ADAMTSL1: variants seen among roughly 807,000 people sequenced by gnomAD.
The protein encoded by ADAMTSL1 is ADAMTS like 1.
ADAMTSL1 carries 126 observed loss-of-function variants against 201.8 expected under a neutral mutation model. That is an observed-to-expected ratio of 0.62 (90% CI 0.54 to 0.72). The LOEUF (loss-of-function observed/expected upper bound fraction) is 0.72. ADAMTSL1 is among the 30% of genes least tolerant of loss of function. ADAMTSL1 has a pLI of 0.00. For synonymous variants in ADAMTSL1, 1,121 were observed against 903.4 expected (o/e 1.24, Z -4.32); for missense variants, 2,679 against 2,277.8 (o/e 1.18, Z -3.59).
rs1393716108 is a variant in ADAMTSL1 at position 18,684,779 on chromosome 9, C to G, written c.1553C>G (p.Ala518Gly). ...FKQAQELEEG[A>G]AVSEEPSFIP... ...CAAGCTCAAGAGCTAGAAGAAGGAG[C>G]TGCTGTGTCAGAGGAGCCCTCGTAA... The change falls in exon 13 of 29, where the codon GCT becomes GGT. Residue 518 changes from alanine (A) to glycine (G), a missense_variant. Physicochemically the swap from Ala to Gly is moderately conservative, Grantham distance 60. Transcript: ENST00000380548. 1 of 1,612,504 alleles carries G rather than the reference C, an allele frequency of 6.2e-7. No homozygotes were observed.
chr9:18,646,731 G>A (rs1827836989), intron 7 of ADAMTSL1, among the ~76,000 whole-genome samples: 2 of 152,138 alleles, frequency 1.3e-5, no homozygotes, highest in African/African-American at 2.4e-5. Flanking sequence ...TGCATCCCAA[G>A]GATGAAGCCC....
In ADAMTSL1 at chr9:18,509,177, C is replaced by A. The variant is rs1290341031; in HGVS notation, c.191+4221C>A. Among the ~76,000 whole-genome samples the A allele has an allele frequency of 9.9e-5, 6 of 60,778 alleles. 1 individual carries two copies. Among genetic ancestry groups the A allele is most frequent in the African/African-American group, 1.7e-4 (2 of 11,650 alleles). 39.9% of individuals were successfully genotyped at this position (60,778 alleles called of 152,430 possible). On this transcript the variant is annotated intron_variant, in intron 2 of 28. Transcript: ENST00000380548. ...CCGCAGTCCGGCCTGGGCGACAGAG[C>A]GAGACTCCGTCTCAAAAAAAAAAAA...
At chr9:18,472,850 G>A (rs548939655), upstream of ADAMTSL1, among the ~76,000 whole-genome samples, 2 of 152,266 alleles carry the variant, frequency 1.3e-5, no homozygotes, top group African/African-American at 2.4e-5. Flanking sequence ...GTAAGGCCAG[G>A]GCTGCTCTTT....
chr9:17,947,731 A>G (rs545851277), intron 1 of ADAMTSL1, among the ~76,000 whole-genome samples: 1 of 152,154 alleles, frequency 6.6e-6, no homozygotes, highest in Non-Finnish European at 1.5e-5. Context: ...ACTGTTTGCA[A>G]ATCTGTGCTA....
chr9:18,653,804 G>GTT (rs1408908778), intron 7 of ADAMTSL1, among the ~76,000 whole-genome samples: 3 of 152,180 alleles, frequency 2.0e-5, no homozygotes, highest in Non-Finnish European at 4.4e-5. Flanking sequence ...ATTTCCAACT[G>GTT]TTAAAATTAT....
chr9:18,083,590 A>G (rs987425259), intron 1 of ADAMTSL1, among the ~76,000 whole-genome samples: 1 of 152,230 alleles, frequency 6.6e-6, no homozygotes, highest in South Asian at 2.1e-4. Context: ...ATCTCAGGGC[A>G]CTTAAGAGTT....
At chr9:18,352,430 G>C (rs1391005358) in intron 2 of ADAMTSL1, among the ~76,000 whole-genome samples, 1 of 152,202 alleles carries the variant, frequency 6.6e-6, no homozygotes, top group Non-Finnish European at 1.5e-5. Context: ...CATGTGCCAA[G>C]TCAAATAATT....
chr9:18,734,908 A>G (rs2133504831), intron 15 of ADAMTSL1, among the ~76,000 whole-genome samples: 1 of 152,172 alleles, frequency 6.6e-6, no homozygotes, highest in East Asian at 1.9e-4. Context: ...GCTTGATTCC[A>G]CTGTGTAAGA....
At chr9:18,897,307 G>C (rs1255991954) in intron 26 of ADAMTSL1, among the ~76,000 whole-genome samples, 1 of 152,178 alleles carries the variant, frequency 6.6e-6, no homozygotes, top group African/African-American at 2.4e-5. Context: ...GGAGAGTCCA[G>C]GCAGTCTGGA....
At chr9:18,779,228 T>C (rs1821241730) in intron 19 of ADAMTSL1, among the ~76,000 whole-genome samples, 1 of 152,160 alleles carries the variant, frequency 6.6e-6, no homozygotes, top group East Asian at 1.9e-4. Context: ...CAAGGAAGAG[T>C]TCTGTCTACT....
At chr9:18,804,259 T>C (rs1459600678) in intron 20 of ADAMTSL1, among the ~76,000 whole-genome samples, 2 of 152,198 alleles carry the variant, frequency 1.3e-5, no homozygotes, top group Non-Finnish European at 2.9e-5. Context: ...GGCAAAGAAG[T>C]AGTACAGCTT....
At chr9:18,719,440 C>T (rs1373024197) in intron 14 of ADAMTSL1, among the ~76,000 whole-genome samples, 2 of 152,138 alleles carry the variant, frequency 1.3e-5, no homozygotes, top group African/African-American at 4.8e-5. Context: ...CTTCATCTCC[C>T]TGCAACCTTC....
chr9:18,171,147 G>A (rs1827870349), intron 2 of ADAMTSL1, among the ~76,000 whole-genome samples: 1 of 151,966 alleles, frequency 6.6e-6, no homozygotes, highest in Non-Finnish European at 1.5e-5. Context: ...AAAACAGTGT[G>A]ATATTAGAAC....
intron 1 of ADAMTSL1, among the ~76,000 whole-genome samples, chr9:18,485,397 C>G (rs144236378): frequency 6.6e-6 from 1 of 152,194 alleles, no homozygotes; most frequent in East Asian, 1.9e-4. Context: ...CATGGATTGG[C>G]CTGCTGTCTG....
At chr9:17,989,305 G>A (rs1166090664) in intron 1 of ADAMTSL1, among the ~76,000 whole-genome samples, 1 of 148,658 alleles carries the variant, frequency 6.7e-6, no homozygotes, top group East Asian at 1.9e-4. Flanking sequence ...GTAATGTTTT[G>A]TAACTTTATT....
At chr9:18,568,848 C>G (rs976892003) in intron 3 of ADAMTSL1, among the ~76,000 whole-genome samples, 2 of 151,300 alleles carry the variant, frequency 1.3e-5, no homozygotes, top group Admixed American at 1.3e-4. Flanking sequence ...GGATGGCACT[C>G]ATATAATAGG....
At chr9:18,812,447 T>C (rs1054000294) in intron 20 of ADAMTSL1, among the ~76,000 whole-genome samples, 1 of 152,110 alleles carries the variant, frequency 6.6e-6, no homozygotes, top group Non-Finnish European at 1.5e-5. Flanking sequence ...TCAAAATATA[T>C]CACAGACTTA....
intron 1 of ADAMTSL1, among the ~76,000 whole-genome samples, chr9:18,031,128 C>T (rs1202249038): frequency 4.6e-5 from 7 of 152,020 alleles, no homozygotes; most frequent in East Asian, 1.9e-4. Flanking sequence ...GCTTCTTTGC[C>T]GTCCAGATTT....
At chr9:18,715,445 GACAA>G (rs1478578609) in intron 14 of ADAMTSL1, among the ~76,000 whole-genome samples, 2 of 151,770 alleles carry the variant, frequency 1.3e-5, no homozygotes, top group Non-Finnish European at 2.9e-5. Context: ...ACCAACAACA[GACAA>G]ACAGAGAGCC....
Sources: allele counts gnomAD v4.1 joint callset (sites outside exome capture counted in the v4.1 genomes callset), GRCh38; gene constraint gnomAD v4.1.1; transcripts MANE v1.5; gene names NCBI Gene and HGNC (gene_info 2026-07-23, HGNC 2026-07-21).